Variants in MOB1B observed in about 807,000 individuals in gnomAD.
The protein encoded by MOB1B is MOB1 Mps One Binder homolog B.
In MOB1B, 19 loss-of-function variants were observed where a neutral mutation model predicts 24.4. That is an observed-to-expected ratio of 0.78 (90% CI 0.54 to 1.14). MOB1B has a LOEUF of 1.14. MOB1B is among the 50% of genes most tolerant of loss of function. The pLI is 0.00. For missense variants in MOB1B, 243 were observed against 259.6 expected (o/e 0.94, Z 0.44); for synonymous variants, 76 against 82.1 (o/e 0.93, Z 0.40).
chr4:70,955,464 CTTTTT>C (rs36054184), intron 1 of MOB1B, among the ~76,000 whole-genome samples: 1 of 89,332 alleles, frequency 1.1e-5, no homozygotes, highest in Non-Finnish European at 2.1e-5. Context: ...AGTATGTGTC[CTTTTT>C]TTTTTTTTTT....
chr4:70,912,861 AG>A (rs967051463), intron 1 of MOB1B, among the ~76,000 whole-genome samples: 1 of 152,164 alleles, frequency 6.6e-6, no homozygotes, highest in Non-Finnish European at 1.5e-5. Context: ...CCTAGGCTCA[AG>A]GGATCCTCCC....
At chr4:70,971,897 CTCT>C (rs1373603077) in intron 3 of MOB1B, among the ~76,000 whole-genome samples, 1 of 151,850 alleles carries the variant, frequency 6.6e-6, no homozygotes, top group East Asian at 1.9e-4. Flanking sequence ...CCCTCTCTTT[CTCT>C]TCTTTCTTCC....
chr4:70,951,331 T>G (rs1737795097), intron 1 of MOB1B, among the ~76,000 whole-genome samples: 1 of 151,830 alleles, frequency 6.6e-6, no homozygotes, highest in East Asian at 1.9e-4. Context: ...TGTTTTAGAG[T>G]CTCAAAGAGA....
intron 1 of MOB1B, among the ~76,000 whole-genome samples, chr4:70,949,840 G>A (rs1737727427): frequency 6.6e-6 from 1 of 152,098 alleles, no homozygotes; most frequent in Admixed American, 6.6e-5. Flanking sequence ...AGCTCAGGAA[G>A]TTGAGGCTGC....
intron 1 of MOB1B, among the ~76,000 whole-genome samples, chr4:70,909,211 A>G (rs771661343): frequency 2.6e-4 from 39 of 152,002 alleles, no homozygotes; most frequent in Non-Finnish European, 5.1e-4. Context: ...ATATGTGTCT[A>G]TCTCTGTCTC....
chr4:70,967,741 C>CA (rs1376647336), intron 2 of MOB1B, among the ~76,000 whole-genome samples: 2 of 152,048 alleles, frequency 1.3e-5, no homozygotes, highest in Admixed American at 6.5e-5. Flanking sequence ...AAAATATTAG[C>CA]ATCAAAAATA....
intron 1 of MOB1B, among the ~76,000 whole-genome samples, chr4:70,929,667 A>G (rs888819643): frequency 7.3e-6 from 1 of 136,816 alleles, no homozygotes; most frequent in Non-Finnish European, 1.6e-5. Flanking sequence ...TTTTTTTGAG[A>G]TGGAGTCTCA....
At chr4:70,913,211 T>C (rs1736065096) in intron 1 of MOB1B, among the ~76,000 whole-genome samples, 1 of 152,204 alleles carries the variant, frequency 6.6e-6, no homozygotes, top group South Asian at 2.1e-4. Context: ...GAGGCAGGAA[T>C]ATCACAGAAG....
intron 1 of MOB1B, among the ~76,000 whole-genome samples, chr4:70,938,319 GC>G (rs61346183): frequency 0.01 from 50 of 4,866 alleles, no homozygotes; most frequent in East Asian, 0.058. Flanking sequence ...TGCCGCCCCC[GC>G]CCCCCCCCCC....
At chr4:70,935,537 T>G (rs1045959160) in intron 1 of MOB1B, among the ~76,000 whole-genome samples, 1 of 152,226 alleles carries the variant, frequency 6.6e-6, no homozygotes, top group Non-Finnish European at 1.5e-5. Context: ...TCCAGATGGC[T>G]GTTCTAGGAC....
At chr4:70,935,677 A>G (rs1041395892) in intron 1 of MOB1B, among the ~76,000 whole-genome samples, 1 of 149,430 alleles carries the variant, frequency 6.7e-6, no homozygotes, top group African/African-American at 2.5e-5. Flanking sequence ...TTTTCTTTTG[A>G]GACAGGGTCT....
rs1739335333 is a variant in MOB1B, at chr4:70,984,993, G to A, written c.*2936G>A. ...TAAATGGTCACCATAAAATGTATTA[G>A]GTAGGAGAAGATACGTTTTATGTAT... On this transcript the variant is annotated 3_prime_UTR_variant, in exon 6 of 6. Transcript: ENST00000309395. 6.6e-6 allele frequency: 1 copy of A among 151,812 alleles called. No homozygotes were observed. The highest frequency in any genetic ancestry group is 1.5e-5 in the Non-Finnish European group (1 of 68,012). The allele number at this position is 151,812 out of a possible 1,614,324, so 9.4% of individuals were successfully genotyped here.
intron 1 of MOB1B, among the ~76,000 whole-genome samples, chr4:70,952,668 A>G (rs1202047340): frequency 6.6e-6 from 1 of 151,416 alleles, no homozygotes; most frequent in Non-Finnish European, 1.5e-5. Context: ...AACAAAACAA[A>G]AACAAAAAAA....
intron 2 of MOB1B, among the ~76,000 whole-genome samples, chr4:70,960,996 A>G (rs868654192): frequency 1.8e-4 from 27 of 152,312 alleles, no homozygotes; most frequent in Middle Eastern, 6.8e-3. Context: ...TGCTAGGGAT[A>G]CATTCCAAGA....
intron 1 of MOB1B, among the ~76,000 whole-genome samples, chr4:70,913,268 G>A (rs1680486390): frequency 6.8e-6 from 1 of 146,548 alleles, no homozygotes; most frequent in Admixed American, 6.7e-5. Flanking sequence ...GGGTATGTAT[G>A]TATGTATGTA....
chr4:70,953,578 G>A (rs980179628), intron 1 of MOB1B, among the ~76,000 whole-genome samples: 2 of 152,098 alleles, frequency 1.3e-5, no homozygotes, highest in South Asian at 2.1e-4. Context: ...GTCATTTTCC[G>A]GACTCTCAAA....
intron 1 of MOB1B, among the ~76,000 whole-genome samples, chr4:70,927,950 A>G (rs1342841675): frequency 1.3e-5 from 2 of 151,814 alleles, no homozygotes; most frequent in African/African-American, 4.8e-5. Flanking sequence ...TTTTATTTGC[A>G]TTTCTCTCAA....
intron 4 of MOB1B, 77 bp downstream of exon 4, chr4:70,975,363 A>G (rs1440590958): frequency 6.4e-7 from 1 of 1,566,588 alleles, no homozygotes; most frequent in East Asian, 2.3e-5. Context: ...CCCTCTTTCC[A>G]CTATATCTAG....
intron 2 of MOB1B, among the ~76,000 whole-genome samples, chr4:70,968,641 G>T (rs1738635622): frequency 6.6e-6 from 1 of 151,996 alleles, no homozygotes; most frequent in South Asian, 2.1e-4. Context: ...TTGAGACAAG[G>T]TCTCGTTCTT....
Sources: gnomAD v4.1 joint callset for allele counts (sites outside exome capture counted in the v4.1 genomes callset) on GRCh38, gnomAD v4.1.1 for gene constraint, MANE v1.5 for transcripts, NCBI Gene and HGNC (gene_info 2026-07-23, HGNC 2026-07-21) for gene names.